Variants in DLC1 observed in about 807,000 individuals in gnomAD.
DLC1 encodes rho GTPase-activating protein 7.
Under a neutral mutation model 140.3 loss-of-function variants are expected in DLC1, and 54 were observed. That is an observed-to-expected ratio of 0.38 (90% CI 0.31 to 0.48). The LOEUF is 0.48. Ranked by LOEUF, DLC1 falls within the 20% of genes least tolerant of loss-of-function variation. The pLI is 0.96. For synonymous variants in DLC1, 986 were observed against 728.1 expected (o/e 1.35, Z -5.70); for missense variants, 2,536 against 1,907.0 (o/e 1.33, Z -6.14).
chr8:13,531,870 A>G (rs1489552774), intron 1 of DLC1, among the ~76,000 whole-genome samples: 1 of 152,162 alleles, frequency 6.6e-6, no homozygotes, highest in Non-Finnish European at 1.5e-5. Context: ...TATATTACAA[A>G]AGGAAAAAAT....
rs1310061541 is a variant in DLC1, at chr8:13,418,822, A to C, written c.1024-17203T>G. Among the ~76,000 whole-genome samples, 5 of 152,180 alleles carry C rather than the reference A, an allele frequency of 3.3e-5. No individual in the cohort carries two copies. The East Asian group carries it at 7.7e-4, about 24-fold the overall frequency. ...CCTTGGGCAGTGTGGCCATTTTCAC[A>C]ATATTGATTCTTCCTACCCATGAGC... On this transcript the variant is annotated intron_variant, in intron 2 of 17. Transcript: ENST00000276297.
Position 13,436,330 on chromosome 8 carries a change from A to G in DLC1, c.1024-34711T>C, listed in dbSNP as rs145484010. 7.3e-3 allele frequency among the ~76,000 whole-genome samples: 1,115 copies of G among 152,342 alleles called. 7 individuals carry two copies. The highest frequency in any genetic ancestry group is 8.7e-3 in the Non-Finnish European group (590 of 68,026). On this transcript the variant is annotated intron_variant, in intron 2 of 17. Coordinates refer to ENST00000276297, the MANE Select transcript of DLC1 (RefSeq NM_182643.3). ...TACACCTTGGTTTTCCTTTATTATT[A>G]GTCCAGCAGGTTTTACACTTTTCTC...
At position 13,100,575 on chromosome 8, in the gene DLC1, G is replaced by A. The variant is rs751464406; in HGVS notation, c.1762C>T (p.Arg588Cys). 19 of 1,613,400 alleles carry A rather than the reference G, an allele frequency of 1.2e-5. No homozygotes were observed. The highest frequency in any genetic ancestry group is 8.9e-5 in the East Asian group (4 of 44,878). The change falls in exon 9 of 18, where the codon CGC (arginine) becomes TGC (cysteine). Residue 588 changes from arginine to cysteine, a missense_variant. Transcript: ENST00000276297. ...PGGTLMDLSE[R>C]QEVSSVRSLS... ...CTGCGGACGGAAGACACCTCCTGGC[G>A]CTCGCTGAGGTCCATCAGCGTGCCT...
intron 5 of DLC1, among the ~76,000 whole-genome samples, chr8:13,152,527 G>A (rs574146948): frequency 7.2e-5 from 11 of 152,228 alleles, no homozygotes; most frequent in South Asian, 2.1e-4. Flanking sequence ...CAACCTTTCC[G>A]AAGGTGTGCT....
intron 2 of DLC1, among the ~76,000 whole-genome samples, chr8:13,454,366 C>A (rs1422363220): frequency 6.6e-6 from 1 of 152,096 alleles, no homozygotes; most frequent in Non-Finnish European, 1.5e-5. Flanking sequence ...TCCTAAAATA[C>A]TATAATTCAT....
At chr8:13,169,448 A>G (rs1426431307) in intron 5 of DLC1, among the ~76,000 whole-genome samples, 2 of 152,344 alleles carry the variant, frequency 1.3e-5, no homozygotes, top group East Asian at 3.9e-4. Context: ...TAGAGCTAAT[A>G]TGGATAAAAT....
In DLC1 at chr8:13,116,274, G is replaced by C. The variant is rs79833703; in HGVS notation, c.1349-617C>G. ...CCCACAATCTTGGCAGGCAGAAATG[G>C]CTAATAAAGCTTCTACCTCCCTGTG... On this transcript the variant is annotated intron_variant, in intron 5 of 17. Transcript: ENST00000276297. The C allele has an allele frequency of 2.1e-5, 20 of 968,280 alleles. No homozygotes were observed. The East Asian group carries it at 2.2e-3, about 106-fold the overall frequency. The allele number at this position is 968,280 out of a possible 1,614,324, so 60.0% of individuals were successfully genotyped here. A position where few individuals can be genotyped will look rare whatever the true frequency, so the allele number is the denominator to read the frequency against.
chr8:13,438,665 C>A (rs1364320145), intron 2 of DLC1, among the ~76,000 whole-genome samples: 1 of 152,144 alleles, frequency 6.6e-6, no homozygotes, highest in Non-Finnish European at 1.5e-5. Context: ...AGTCCTTCTG[C>A]CGAGGAAACG....
rs75333707 is a variant in DLC1, at chr8:13,562,911, C to CA, written c.-126+41625dup. On this transcript the variant is annotated intron_variant, in intron 1 of 1. Transcript: ENST00000631382. ...CTAGAATATATTTTTAAGAAAAAAA[C>CA]AAAAAAAAAACGCCATAAAGCAATG... is the stretch of plus-strand genomic sequence containing the variant. 7.7e-3 allele frequency among the ~76,000 whole-genome samples: 1,083 copies of CA among 141,342 alleles called. 8 individuals are homozygous for CA. Among genetic ancestry groups the CA allele is most frequent in the East Asian group, 0.022 (107 of 4,938 alleles). The allele number at this position is 141,342 out of a possible 152,430, so 92.7% of individuals were successfully genotyped here.
intron 4 of DLC1, among the ~76,000 whole-genome samples, chr8:13,387,958 G>A (rs1836596124): frequency 1.3e-5 from 2 of 151,940 alleles, no homozygotes; most frequent in East Asian, 1.9e-4. Context: ...AAAGACTGAT[G>A]GAGTTCTTGA....
chr8:13,223,975 A>G (rs1828673022), intron 5 of DLC1, among the ~76,000 whole-genome samples: 1 of 152,210 alleles, frequency 6.6e-6, no homozygotes, highest in African/African-American at 2.4e-5. Context: ...AGTATGTGTA[A>G]GAAGCTATTT....
At chr8:13,257,265 GTC>G (rs148570654) in intron 5 of DLC1, among the ~76,000 whole-genome samples, 13,780 of 151,674 alleles carry the variant, frequency 0.091, 708 homozygotes, top group South Asian at 0.17. Context: ...ATGAGACCCT[GTC>G]TCTACAAAAA....
At chr8:13,343,458 C>G (rs939599923) in intron 4 of DLC1, among the ~76,000 whole-genome samples, 2 of 152,104 alleles carry the variant, frequency 1.3e-5, no homozygotes, top group African/African-American at 4.8e-5. Context: ...AGCTAATGTG[C>G]TGAAATAAAA....
chr8:13,375,189 G>A (rs1835917369), intron 4 of DLC1, among the ~76,000 whole-genome samples: 1 of 151,914 alleles, frequency 6.6e-6, no homozygotes, highest in African/African-American at 2.4e-5. Context: ...CACTATGCCC[G>A]GCTAAATTTT....
intron 4 of DLC1, among the ~76,000 whole-genome samples, chr8:13,316,936 T>C (rs1832882816): frequency 6.6e-6 from 1 of 151,024 alleles, no homozygotes; most frequent in Admixed American, 6.6e-5. Flanking sequence ...TTGAATCTAT[T>C]CCTTTTTTTT....
rs200029959 is a variant in DLC1, at chr8:13,591,751, T to G, written c.-126+12786A>C. On this transcript the variant is annotated intron_variant, in intron 1 of 1. Transcript: ENST00000631382. ...TTAGAGGTAGAACTGACAGAATTCA[T>G]GGATATGTCAGATATGAAATTTGAG... Among the ~76,000 whole-genome samples the G allele has an allele frequency of 0.013, 1,978 of 152,196 alleles. 65 individuals are homozygous for G. In the East Asian group the frequency reaches 0.14, roughly 11 times the overall value.
chr8:13,123,195 G>C (rs932611001), intron 5 of DLC1, among the ~76,000 whole-genome samples: 1 of 152,166 alleles, frequency 6.6e-6, no homozygotes, highest in Non-Finnish European at 1.5e-5. Flanking sequence ...ACGTTAGTGA[G>C]TGCCCCTTTC....
intron 4 of DLC1, among the ~76,000 whole-genome samples, chr8:13,377,748 A>G (rs1388331435): frequency 6.6e-6 from 1 of 152,008 alleles, no homozygotes; most frequent in Non-Finnish European, 1.5e-5. Context: ...CAGTACTTTA[A>G]AGGTCTCTTG....
In DLC1 at chr8:13,153,520, G is replaced by T. The variant is rs554301133; in HGVS notation, c.1349-37863C>A. Reference sequence around the variant, plus strand: ...CGACCCAAACAGGTCGCCACTGCTGGCTCCAGCAGCCTGCTCTTATTCCCT... The same window carrying T: ...CGACCCAAACAGGTCGCCACTGCTGTCTCCAGCAGCCTGCTCTTATTCCCT... On this transcript the variant is annotated intron_variant, in intron 5 of 17. Coordinates refer to ENST00000276297, the MANE Select transcript of DLC1 (RefSeq NM_182643.3). 7.7e-4 allele frequency among the ~76,000 whole-genome samples: 118 copies of T among 152,298 alleles called. 3 individuals carry two copies. The South Asian group carries it at 0.023, about 30-fold the overall frequency.
Sources: allele counts gnomAD v4.1 joint callset (sites outside exome capture counted in the v4.1 genomes callset), GRCh38; gene constraint gnomAD v4.1.1; transcripts MANE v1.5; gene names NCBI Gene and HGNC (gene_info 2026-07-23, HGNC 2026-07-21).